MYH14: variants seen among roughly 807,000 people sequenced by gnomAD.
The protein encoded by MYH14 is myosin heavy chain 14.
Under a neutral mutation model 255.5 loss-of-function variants are expected in MYH14, and 123 were observed. The ratio of observed to expected loss-of-function variants is 0.48; its 90% confidence interval spans 0.42 to 0.56. The LOEUF (loss-of-function observed/expected upper bound fraction) is 0.56, where lower values mean the gene tolerates loss of function less well. Ranked by LOEUF, MYH14 falls within the 20% of genes least tolerant of loss-of-function variation. MYH14 has a pLI of 0.00. For missense variants in MYH14, 2,423 were observed against 2,802.3 expected (o/e 0.86, Z 3.06); for synonymous variants, 1,095 against 1,161.2 (o/e 0.94, Z 1.16).
At chr19:50,239,844 C>T (rs1051500315) in intron 10 of MYH14, among the ~76,000 whole-genome samples, 6 of 152,280 alleles carry the variant, frequency 3.9e-5, no homozygotes, top group South Asian at 2.1e-4. Context: ...CCACCGCGCC[C>T]GGCCACACAC....
intron 33 of MYH14, chr19:50,285,656 T>G (rs1257338167): frequency 6.6e-6 from 1 of 152,228 alleles, no homozygotes; most frequent in Non-Finnish European, 1.5e-5. Context: ...GATCATGTTT[T>G]CTGTGAACAA....
At chr19:50,308,616 G>GCC in intron 41 of MYH14, 1 of 202,314 alleles carries the variant, frequency 4.9e-6, no homozygotes, top group Non-Finnish European at 1.0e-5. Flanking sequence ...CAGTGAAGTT[G>GCC]GTCTGGACAG....
chr19:50,210,443 G>T lies in MYH14; in HGVS notation c.78G>T (p.Pro26=). 3.9e-6 allele frequency: 6 copies of T among 1,553,686 alleles called. No individual in the cohort carries two copies. Among genetic ancestry groups the T allele is most frequent in the Non-Finnish European group, 5.2e-6 (6 of 1,150,290 alleles). The part of the protein sequence containing the change: ...RPGPVPEAAQ[P]FLFTPRGPSA... The stretch of plus-strand genomic sequence containing the variant: ...GCCCAGTGCCCGAGGCGGCCCAGCC[G>T]TTCCTGTTCACGCCCCGCGGGCCCA... The change falls in exon 2 of 43, where the codon CCG becomes CCT. Residue 26 remains proline, a synonymous_variant. Coordinates refer to ENST00000642316, the MANE Select transcript of MYH14 (RefSeq NM_001145809.2).
At chr19:50,208,533 A>G (rs533645300) in intron 1 of MYH14, among the ~76,000 whole-genome samples, 69 of 152,338 alleles carry the variant, frequency 4.5e-4, no homozygotes, top group African/African-American at 1.6e-3. Context: ...AGAATTTTTA[A>G]AAAACAAAAA....
rs532175828 is a variant in MYH14 at position 50,258,816 on chromosome 19, G to A, written c.2233-328G>A. Reference sequence around the variant, plus strand: ...TTGGACAGACATCAGCTTCCCAGGAGGCCTTTTGGCGACTCTCTTGCGTGC... The same window carrying A: ...TTGGACAGACATCAGCTTCCCAGGAAGCCTTTTGGCGACTCTCTTGCGTGC... On this transcript the variant is annotated intron_variant, in intron 18 of 42. Coordinates refer to ENST00000642316, the MANE Select transcript of MYH14 (RefSeq NM_001145809.2). 6 of 272,450 alleles carry A rather than the reference G, an allele frequency of 2.2e-5. No homozygotes were observed. In the East Asian group the frequency reaches 3.3e-4, roughly 15 times the overall value. The allele number at this position is 272,450 out of a possible 1,614,324, so 16.9% of individuals were successfully genotyped here. A position where few individuals can be genotyped will look rare whatever the true frequency, so the allele number is the denominator to read the frequency against.
chr19:50,271,625 G>A (rs2035305562), intron 25 of MYH14, 79 bp downstream of exon 25: 1 of 1,543,258 alleles, frequency 6.5e-7, no homozygotes, highest in Non-Finnish European at 8.8e-7. Context: ...TCACGCCATG[G>A]GGGTTACCAC....
At chr19:50,297,848 C>T (rs1452674710) in intron 39 of MYH14, among the ~76,000 whole-genome samples, 1 of 151,998 alleles carries the variant, frequency 6.6e-6, no homozygotes, top group African/African-American at 2.4e-5. Context: ...TGAGGCCCAC[C>T]CTAATCCAGT....
At chr19:50,295,961 A>G (rs1446349722) in intron 39 of MYH14, among the ~76,000 whole-genome samples, 2 of 151,886 alleles carry the variant, frequency 1.3e-5, no homozygotes, top group African/African-American at 4.8e-5. Context: ...AAATACAAAA[A>G]CTAGCCAGGC....
At chr19:50,224,038 G>GC in intron 5 of MYH14, 116 bp from the exon 6 acceptor site, 2 of 355,466 alleles carry the variant, frequency 5.6e-6, no homozygotes, top group Non-Finnish European at 9.9e-6. Flanking sequence ...GGTTTCCCCA[G>GC]TCCCCCTTCC....
chr19:50,264,613 G>A (rs911289443), intron 22 of MYH14, among the ~76,000 whole-genome samples: 7 of 152,216 alleles, frequency 4.6e-5, no homozygotes, highest in Non-Finnish European at 5.9e-5. Flanking sequence ...TGCGTCTCCC[G>A]CTTGGCTTTC....
rs527907231 is a variant in MYH14 at position 50,252,613 on chromosome 19, G to A, written c.1831-26G>A. 3.4e-6 allele frequency: 5 copies of A among 1,464,938 alleles called. No homozygotes were observed. The highest frequency in any genetic ancestry group is 1.2e-5 in the South Asian group (1 of 82,632). The allele number at this position is 1,464,938 out of a possible 1,614,324, so 90.7% of individuals were successfully genotyped here. A position where few individuals can be genotyped will look rare whatever the true frequency, so the allele number is the denominator to read the frequency against. ...AGAATGTCTGAGCCTGCAAGTCATCGCCCTCCTCTACCTGACTTCATTCAG... is the reference window on the plus strand; with the variant it reads ...AGAATGTCTGAGCCTGCAAGTCATCACCCTCCTCTACCTGACTTCATTCAG... On this transcript the variant is annotated intron_variant, in intron 15 of 42. Transcript: ENST00000642316. This position sits in a 1 kb window ranked among gnomAD's most constrained non-coding sequence, Gnocchi z 4.2.
chr19:50,288,346 C>G (rs1267050308), intron 34 of MYH14, among the ~76,000 whole-genome samples: 2 of 152,160 alleles, frequency 1.3e-5, no homozygotes, highest in Non-Finnish European at 2.9e-5. Flanking sequence ...TTTAGCCAGG[C>G]CTGGAGAGAA....
chr19:50,301,087 G>T (rs540722557), intron 39 of MYH14, among the ~76,000 whole-genome samples: 1 of 152,148 alleles, frequency 6.6e-6, no homozygotes, highest in Non-Finnish European at 1.5e-5. Context: ...CTCAGAGTAC[G>T]AGCTGAATAA....
chr19:50,263,466 C>A, intron 22 of MYH14, 46 bp downstream of exon 22: 1 of 1,415,424 alleles, frequency 7.1e-7, no homozygotes, highest in Non-Finnish European at 9.7e-7. Context: ...GAGGATAGGG[C>A]CTTGGGGCTT....
chr19:50,308,905 G>A lies in MYH14; in HGVS notation c.5788-100G>A, dbSNP rs1007506205. On this transcript the variant is annotated intron_variant, in intron 41 of 42. Transcript: ENST00000642316. The stretch of plus-strand genomic sequence containing the variant: ...GAGAGCAGAGGATGGGGCAGAGAGA[G>A]TCAGGGGGCAGTAGGGATGGGGCAG... The A allele has an allele frequency of 3.4e-6, 4 of 1,181,670 alleles. No homozygotes were observed. In the South Asian group the frequency reaches 4.6e-5, roughly 14 times the overall value. The allele number at this position is 1,181,670 out of a possible 1,614,324, so 73.2% of individuals were successfully genotyped here.
In MYH14 at chr19:50,257,401, A is replaced by G; in HGVS notation, c.2147A>G (p.Lys716Arg). 6.2e-7 allele frequency: 1 copy of G among 1,608,328 alleles called. No individual in the cohort carries two copies. Among genetic ancestry groups the G allele is most frequent in the Non-Finnish European group, 8.5e-7 (1 of 1,177,326 alleles). ...GMFRTVGQLYKESLSRLMATL... is the reference protein window; with the variant it reads ...GMFRTVGQLYRESLSRLMATL... The stretch of plus-strand genomic sequence containing the variant: ...TTCCGGACAGTGGGACAGCTCTACA[A>G]GGAGTCCCTGAGCCGCCTCATGGCC... The change falls in exon 18 of 43, where the codon AAG (lysine) becomes AGG (arginine). Residue 716 changes from lysine to arginine, a missense_variant. This residue lies in a region of MYH14 where 672 missense variants were observed against 881.8 expected (regional missense o/e 0.76). Coordinates refer to ENST00000642316, the MANE Select transcript of MYH14 (RefSeq NM_001145809.2).
chr19:50,250,770 G>T lies in MYH14; in HGVS notation c.1830+82G>T. On this transcript the variant is annotated intron_variant, in intron 15 of 42. Transcript: ENST00000642316. This position sits in a 1 kb window ranked among gnomAD's most constrained non-coding sequence, Gnocchi z 5.4. ...TGGCTACAGATGGGGGGAGGGTGCA[G>T]AGGGAAAACAGGGTCCTCCTGAGGT... is the stretch of plus-strand genomic sequence containing the variant. 1 of 1,441,840 alleles carries T rather than the reference G, an allele frequency of 6.9e-7. No individual in the cohort carries two copies. Among genetic ancestry groups the T allele is most frequent in the Middle Eastern group, 2.1e-4 (1 of 4,732 alleles). 89.3% of individuals were successfully genotyped at this position (1,441,840 alleles called of 1,614,324 possible).
rs138490883 is a variant in MYH14 at position 50,267,433 on chromosome 19, C to T, written c.2826+425C>T. Among the ~76,000 whole-genome samples, 58 of 152,098 alleles carry T rather than the reference C, an allele frequency of 3.8e-4. No homozygotes were observed. In the East Asian group the frequency reaches 0.011, roughly 29 times the overall value. ...TTGGGAGGCTGACGCGGGCAGATCA[C>T]CTGAGGTCAGGAGTTCAAGACCACT... On this transcript the variant is annotated intron_variant, in intron 23 of 42. Transcript: ENST00000642316.
intron 29 of MYH14, 90 bp from the exon 30 acceptor site, chr19:50,277,993 C>A: frequency 1.1e-6 from 1 of 946,390 alleles, no homozygotes; most frequent in Non-Finnish European, 1.5e-6. Context: ...GCAGAGGGAA[C>A]AGCCAGTGCA....
Sources: gnomAD v4.1 joint callset for allele counts (sites outside exome capture counted in the v4.1 genomes callset) on GRCh38, gnomAD v4.1.1 for gene constraint, gnomAD v4.1.1 regional missense constraint, Gnocchi (gnomAD v3.1) non-coding constraint, MANE v1.5 for transcripts, NCBI Gene and HGNC (gene_info 2026-07-23, HGNC 2026-07-21) for gene names.